The following ATRNL1 variants were observed in gnomAD, a reference collection of about 807,000 sequenced individuals.
ATRNL1 encodes attractin like 1.
A neutral mutation model predicts 182.7 loss-of-function variants in ATRNL1; 95 were observed. The ratio of observed to expected loss-of-function variants is 0.52; its 90% CI spans 0.44 to 0.62. ATRNL1 has a LOEUF of 0.62. Among genes scored for constraint, ATRNL1 ranks in the 20% least tolerant of loss-of-function variants. ATRNL1 has a pLI of 0.00. For missense variants in ATRNL1, 1,471 were observed against 1,679.5 expected (o/e 0.88, Z 2.17); for synonymous variants, 576 against 568.3 (o/e 1.01, Z -0.19).
Position 115,129,392 on chromosome 10 carries a change from G to A in ATRNL1, c.686G>A (p.Ser229Asn). 1.2e-6 allele frequency: 2 copies of A among 1,613,912 alleles called. No individual in the cohort carries two copies. Among genetic ancestry groups the A allele is most frequent in the East Asian group, 2.2e-5 (1 of 44,874 alleles). The change falls in exon 5 of 29, where the codon AGT (serine) becomes AAT (asparagine). Residue 229 changes from serine to asparagine, a missense_variant. By Grantham distance (46) the Ser-to-Asn change is conservative (BLOSUM62 1). Coordinates refer to ENST00000355044, the MANE Select transcript of ATRNL1 (RefSeq NM_207303.4). ...GKCTTSVSVPSQVYCECDKYW... is the reference protein window; with the variant it reads ...GKCTTSVSVPNQVYCECDKYW... ...TGTACAACTAGTGTCTCTGTTCCAAGTCAAGTATATTGTGAATGTGATAAA... is the reference window on the plus strand; with the variant it reads ...TGTACAACTAGTGTCTCTGTTCCAAATCAAGTATATTGTGAATGTGATAAA...
chr10:115,161,745 A>G (rs181530987), intron 6 of ATRNL1, among the ~76,000 whole-genome samples: 1 of 152,060 alleles, frequency 6.6e-6, no homozygotes, highest in Non-Finnish European at 1.5e-5. Flanking sequence ...ATATAAACAA[A>G]TGAGGGATTA....
At chr10:115,658,480 A>G (rs924993855) in intron 26 of ATRNL1, among the ~76,000 whole-genome samples, 3 of 152,060 alleles carry the variant, frequency 2.0e-5, no homozygotes, top group Non-Finnish European at 4.4e-5. Flanking sequence ...TCTTCTGTGG[A>G]TAATTATGAG....
chr10:115,738,171 C>CTTTTTTTTTTTTTTTTT, intron 27 of ATRNL1, among the ~76,000 whole-genome samples: 1 of 92,214 alleles, frequency 1.1e-5, no homozygotes, highest in Non-Finnish European at 2.1e-5. Context: ...TGGAGTCCTG[C>CTTTTTTTTTTTTTTTTT]TCTGTCGCCC....
intron 26 of ATRNL1, among the ~76,000 whole-genome samples, chr10:115,712,176 G>T (rs917917310): frequency 6.6e-6 from 1 of 152,154 alleles, no homozygotes; most frequent in African/African-American, 2.4e-5. Flanking sequence ...TGCTATATTA[G>T]TTCAATGCCA....
At chr10:115,519,629 T>C (rs1304871912) in intron 25 of ATRNL1, among the ~76,000 whole-genome samples, 1 of 152,176 alleles carries the variant, frequency 6.6e-6, no homozygotes, top group Admixed American at 6.6e-5. Context: ...TAACAATGCA[T>C]GCACCACATG....
chr10:115,689,272 G>A (rs1946316386), intron 26 of ATRNL1, among the ~76,000 whole-genome samples: 1 of 152,108 alleles, frequency 6.6e-6, no homozygotes, highest in South Asian at 2.1e-4. Context: ...CAATTTTTTT[G>A]TGTGGTTTGT....
chr10:115,367,251 C>T (rs1215037552), intron 19 of ATRNL1, among the ~76,000 whole-genome samples: 5 of 118,958 alleles, frequency 4.2e-5, no homozygotes, highest in South Asian at 2.8e-4. Flanking sequence ...CTTCCCTTCT[C>T]GCTTCATTTC....
intron 27 of ATRNL1, among the ~76,000 whole-genome samples, chr10:115,796,376 C>T (rs1250645566): frequency 6.6e-6 from 1 of 152,040 alleles, no homozygotes; most frequent in Non-Finnish European, 1.5e-5. Flanking sequence ...TGCTCTGCTG[C>T]CCCTAATGGC....
At chr10:115,419,550 A>G (rs1197142847) in intron 20 of ATRNL1, among the ~76,000 whole-genome samples, 5 of 152,208 alleles carry the variant, frequency 3.3e-5, no homozygotes, top group African/African-American at 9.6e-5. Flanking sequence ...ATAAAACAAC[A>G]TGCATAGATT....
At chr10:115,188,548 A>G (rs369472676) in intron 8 of ATRNL1, among the ~76,000 whole-genome samples, 95 of 152,272 alleles carry the variant, frequency 6.2e-4, no homozygotes, top group African/African-American at 2.1e-3. Context: ...TGAGTATAAT[A>G]TTAATGTTTT....
At chr10:115,282,785 TA>T (rs35544719) in intron 14 of ATRNL1, among the ~76,000 whole-genome samples, 43,186 of 145,438 alleles carry the variant, frequency 0.3, 7,927 homozygotes, top group Middle Eastern at 0.46. Context: ...TACCTCTCTT[TA>T]TCCCAGGTTT....
intron 27 of ATRNL1, among the ~76,000 whole-genome samples, chr10:115,754,256 A>G (rs3110771): frequency 0.98 from 149,560 of 152,292 alleles, 73,488 homozygotes; most frequent in Middle Eastern, 1. Context: ...CCATGCCTAC[A>G]TCCTGAATGG....
chr10:115,644,801 G>T (rs1859496081), intron 26 of ATRNL1, among the ~76,000 whole-genome samples: 1 of 152,098 alleles, frequency 6.6e-6, no homozygotes, highest in Middle Eastern at 3.2e-3. Flanking sequence ...CATATAAAGT[G>T]CTTAGAAGCA....
intron 21 of ATRNL1, among the ~76,000 whole-genome samples, chr10:115,439,914 C>G (rs1554965401): frequency 6.6e-6 from 1 of 151,756 alleles, no homozygotes; most frequent in Non-Finnish European, 1.5e-5. Flanking sequence ...AATGTGTTTA[C>G]CAAATGATGA....
intron 25 of ATRNL1, among the ~76,000 whole-genome samples, chr10:115,523,317 G>T (rs782686471): frequency 1.3e-5 from 2 of 152,154 alleles, no homozygotes; most frequent in Non-Finnish European, 2.9e-5. Flanking sequence ...CCAGAAGCCT[G>T]CCAGATTTGT....
At chr10:115,260,113 G>T (rs1851333236) in intron 10 of ATRNL1, among the ~76,000 whole-genome samples, 2 of 152,070 alleles carry the variant, frequency 1.3e-5, no homozygotes, top group Admixed American at 6.5e-5. Context: ...ATTATTATTT[G>T]CCTAAATTAA....
intron 9 of ATRNL1, among the ~76,000 whole-genome samples, chr10:115,219,889 T>C (rs1849381731): frequency 6.6e-6 from 1 of 152,000 alleles, no homozygotes; most frequent in Non-Finnish European, 1.5e-5. Flanking sequence ...GGTGACAGAT[T>C]GAGACCCTGT....
chr10:115,093,887 A>G lies in ATRNL1; in HGVS notation c.137A>G (p.Tyr46Cys), dbSNP rs146316685. The change falls in exon 1 of 29, where the codon TAT becomes TGT. Residue 46 changes from tyrosine to cysteine, a missense_variant. Physicochemically the swap from Tyr to Cys is radical, Grantham distance 194. Transcript: ENST00000355044. The surrounding 1 kb of genome is among the most constrained non-coding windows in gnomAD (Gnocchi z 6.1). The part of the protein sequence containing the change: ...LLDGNSWLLC[Y>C]GFLYLALYAQ... ...GACGGGAACAGCTGGCTGCTGTGCT[A>G]TGGCTTCCTCTACCTGGCGCTCTAC... 21 of 1,593,938 alleles carry G rather than the reference A, an allele frequency of 1.3e-5. No homozygotes were observed. The Admixed American group carries it at 1.4e-4, about 10-fold the overall frequency.
At chr10:115,598,259 T>C (rs929882402) in intron 26 of ATRNL1, among the ~76,000 whole-genome samples, 4 of 151,152 alleles carry the variant, frequency 2.6e-5, no homozygotes, top group Non-Finnish European at 4.4e-5. Flanking sequence ...ATTTACTACT[T>C]TAGAAATATA....
Sources: gnomAD v4.1 joint callset for allele counts (sites outside exome capture counted in the v4.1 genomes callset) on GRCh38, gnomAD v4.1.1 for gene constraint, Gnocchi (gnomAD v3.1) non-coding constraint, MANE v1.5 for transcripts, NCBI Gene and HGNC (gene_info 2026-07-23, HGNC 2026-07-21) for gene names.